The following HPSE2 variants were observed in gnomAD, a reference collection of about 807,000 sequenced individuals.
The protein encoded by HPSE2 is inactive heparanase-2.
In HPSE2, 38 loss-of-function variants were observed where a neutral mutation model predicts 60.5. That is an observed-to-expected ratio of 0.63 (90% CI 0.48 to 0.82). HPSE2 has a LOEUF of 0.82. Among genes scored for constraint, HPSE2 ranks in the 40% least tolerant of loss-of-function variants. The pLI, the probability that HPSE2 is intolerant of heterozygous loss-of-function variation, is 0.00. For missense variants in HPSE2, 713 were observed against 740.4 expected (o/e 0.96, Z 0.43); for synonymous variants, 295 against 293.2 (o/e 1.01, Z -0.06).
chr10:99,153,548 G>A (rs1309306681), intron 2 of HPSE2, among the ~76,000 whole-genome samples: 1 of 151,512 alleles, frequency 6.6e-6, no homozygotes, highest in Non-Finnish European at 1.5e-5. Flanking sequence ...GGTCCTGTCT[G>A]TTAGAAGGAA....
At chr10:98,731,618 A>G (rs1218245851) in intron 4 of HPSE2, among the ~76,000 whole-genome samples, 1 of 152,196 alleles carries the variant, frequency 6.6e-6, no homozygotes, top group Admixed American at 6.5e-5. Flanking sequence ...ATAGAAGGGA[A>G]CTTTCTCAAC....
intron 9 of HPSE2, among the ~76,000 whole-genome samples, chr10:98,614,296 G>GTTT (rs11428510): frequency 1.2e-4 from 17 of 144,918 alleles, no homozygotes; most frequent in Non-Finnish European, 1.2e-4. Flanking sequence ...GGATTGTTTT[G>GTTT]TTTTTTTTTT....
intron 5 of HPSE2, among the ~76,000 whole-genome samples, chr10:98,707,302 C>A (rs2134209268): frequency 6.6e-6 from 1 of 152,140 alleles, no homozygotes; most frequent in East Asian, 1.9e-4. Context: ...ATATTAACAG[C>A]CCTATATTCA....
chr10:98,513,894 C>T (rs1942503513), intron 9 of HPSE2, among the ~76,000 whole-genome samples: 1 of 152,112 alleles, frequency 6.6e-6, no homozygotes, highest in East Asian at 1.9e-4. Flanking sequence ...CCAGCAATTC[C>T]ACTCCTAGGC....
intron 6 of HPSE2, among the ~76,000 whole-genome samples, chr10:98,692,638 G>A (rs191345342): frequency 1.1e-3 from 166 of 152,178 alleles, no homozygotes; most frequent in East Asian, 7.2e-3. Context: ...GCATGGGGGC[G>A]GGCGCCTGTA....
chr10:98,753,850 C>T lies in HPSE2; in HGVS notation c.611-9794G>A, dbSNP rs1220139444. Among the ~76,000 whole-genome samples the T allele has an allele frequency of 2.0e-5, 3 of 152,162 alleles. No homozygotes were observed. The East Asian group carries it at 5.8e-4, about 29-fold the overall frequency. On this transcript the variant is annotated intron_variant, in intron 3 of 11. Coordinates refer to ENST00000370552, the MANE Select transcript of HPSE2 (RefSeq NM_021828.5). ...CATCAAAGAATATAAAAGCAAAAAACCCTATCCAAATGACAGTAACTTCAA... is the reference window on the plus strand; with the variant it reads ...CATCAAAGAATATAAAAGCAAAAAATCCTATCCAAATGACAGTAACTTCAA...
At chr10:98,500,563 T>C (rs200445186) in intron 9 of HPSE2, among the ~76,000 whole-genome samples, 1 of 151,998 alleles carries the variant, frequency 6.6e-6, no homozygotes, top group African/African-American at 2.4e-5. Context: ...AATGCCTACA[T>C]TGAAAAGACT....
rs75984338 is a variant in HPSE2, at chr10:99,061,158, G to A, written c.610+83080C>T. 3.1e-3 allele frequency among the ~76,000 whole-genome samples: 469 copies of A among 152,224 alleles called. 2 individuals carry two copies. The highest frequency in any genetic ancestry group is 0.011 in the African/African-American group (448 of 41,532). On this transcript the variant is annotated intron_variant, in intron 3 of 11. Transcript: ENST00000370552. ...CCAAAGAAGGCTGTGGACTAGGGTG[G>A]TGGTTTACAGAGGACCATGGTCCTG...
chr10:99,016,898 T>C (rs1052481493), intron 3 of HPSE2, among the ~76,000 whole-genome samples: 1 of 152,214 alleles, frequency 6.6e-6, no homozygotes, highest in African/African-American at 2.4e-5. Flanking sequence ...GGGACTTTGC[T>C]GAAGTTGTTT....
intron 9 of HPSE2, among the ~76,000 whole-genome samples, chr10:98,526,176 G>A (rs535603936): frequency 2.0e-5 from 3 of 152,172 alleles, no homozygotes; most frequent in East Asian, 1.9e-4. Flanking sequence ...GGGTGTGGGC[G>A]GAAGGTATAG....
intron 8 of HPSE2, among the ~76,000 whole-genome samples, chr10:98,616,487 T>C (rs925052797): frequency 6.6e-6 from 1 of 152,204 alleles, no homozygotes; most frequent in Non-Finnish European, 1.5e-5. Flanking sequence ...TGAAGCCATA[T>C]GGAGCTCCAA....
At chr10:99,093,879 T>C (rs892827399) in intron 3 of HPSE2, among the ~76,000 whole-genome samples, 2 of 151,170 alleles carry the variant, frequency 1.3e-5, no homozygotes, top group African/African-American at 4.8e-5. Context: ...CTCTAGATAA[T>C]CACTTTTATT....
rs991892654 is a variant in HPSE2, at chr10:98,929,998, A to T, written c.611-185942T>A. Among the ~76,000 whole-genome samples the T allele has an allele frequency of 2.1e-5, 3 of 143,694 alleles. No homozygotes were observed. The East Asian group carries it at 5.9e-4, about 28-fold the overall frequency. The allele number at this position is 143,694 out of a possible 152,430, so 94.3% of individuals were successfully genotyped here. A position where few individuals can be genotyped will look rare whatever the true frequency, so the allele number is the denominator to read the frequency against. On this transcript the variant is annotated intron_variant, in intron 3 of 11. Coordinates refer to ENST00000370552, the MANE Select transcript of HPSE2 (RefSeq NM_021828.5). The stretch of plus-strand genomic sequence containing the variant: ...TATGAGTGCTTTTTTAAAAAAAATT[A>T]AGTTCTGGGATACCTGTACAAGATG...
chr10:99,136,268 C>A (rs1217741899), intron 3 of HPSE2, among the ~76,000 whole-genome samples: 1 of 151,870 alleles, frequency 6.6e-6, no homozygotes, highest in Non-Finnish European at 1.5e-5. Flanking sequence ...ACCAAAAAAA[C>A]GTTGAGGACC....
chr10:98,909,334 GT>G (rs781551587), intron 3 of HPSE2, among the ~76,000 whole-genome samples: 111 of 141,780 alleles, frequency 7.8e-4, no homozygotes, highest in Middle Eastern at 3.5e-3. Context: ...ATTCAAAAAA[GT>G]TTTTTTTTTT....
At chr10:98,683,759 A>T (rs926033759) in intron 6 of HPSE2, among the ~76,000 whole-genome samples, 6 of 152,120 alleles carry the variant, frequency 3.9e-5, no homozygotes, top group Admixed American at 3.9e-4. Context: ...TGACATTATC[A>T]AAGAAAAAAT....
chr10:99,009,137 G>A (rs1434129552), intron 3 of HPSE2, among the ~76,000 whole-genome samples: 1 of 149,942 alleles, frequency 6.7e-6, no homozygotes, highest in Non-Finnish European at 1.5e-5. Context: ...CAGACACAGT[G>A]GCTCAACTAT....
chr10:98,766,049 G>A (rs1056434310), intron 3 of HPSE2, among the ~76,000 whole-genome samples: 1 of 151,920 alleles, frequency 6.6e-6, no homozygotes, highest in Admixed American at 6.6e-5. Flanking sequence ...GACCAAAAAC[G>A]AGCTGAGAGA....
At chr10:99,248,097 C>T in the HPSE2 span, among the ~76,000 whole-genome samples, 1 of 152,122 alleles carries the variant, frequency 6.6e-6, no homozygotes, top group Non-Finnish European at 1.5e-5. Flanking sequence ...GAGCAGGGTA[C>T]TGCTATAAAG....
Sources: gnomAD v4.1 joint callset for allele counts (sites outside exome capture counted in the v4.1 genomes callset) on GRCh38, gnomAD v4.1.1 for gene constraint, MANE v1.5 for transcripts, NCBI Gene and HGNC (gene_info 2026-07-23, HGNC 2026-07-21) for gene names.